TULP3: variants seen among roughly 807,000 people sequenced by gnomAD.
TULP3 encodes TUB like protein 3.
A neutral mutation model predicts 50.7 loss-of-function variants in TULP3; 38 were observed. The observed-to-expected ratio is 0.75, with a 90% confidence interval of 0.58 to 0.98. The LOEUF (loss-of-function observed/expected upper bound fraction) is 0.98. Ranked by LOEUF, TULP3 falls within the 50% of genes least tolerant of loss-of-function variation. The pLI is 0.00. For missense variants in TULP3, 550 were observed against 568.0 expected (o/e 0.97, Z 0.32); for synonymous variants, 183 against 196.6 (o/e 0.93, Z 0.58).
chr12:2,933,500 G>C lies in TULP3; in HGVS notation c.779G>C (p.Arg260Pro), dbSNP rs193281338. Residue 260 changes from arginine (R) to proline (P), a missense_variant, in exon 7 of 11, where the codon CGT becomes CCT. Arg to Pro is a moderately radical substitution (Grantham distance 103, BLOSUM62 -2). Transcript: ENST00000448120. ...TCCATTGATCCAGTTGATTTATCTC[G>C]TGAAGGAGAAAGTTATGTCGGCAAG... ...LISIDPVDLSREGESYVGKLR... is the reference protein window; with the variant it reads ...LISIDPVDLSPEGESYVGKLR... 31 of 1,613,730 alleles carry C rather than the reference G, an allele frequency of 1.9e-5. No homozygotes were observed. Among genetic ancestry groups the C allele is most frequent in the African/African-American group, 5.3e-5 (4 of 74,866 alleles).
chr12:2,918,667 G>C (rs2098190083), intron 2 of TULP3, among the ~76,000 whole-genome samples: 1 of 151,724 alleles, frequency 6.6e-6, no homozygotes, highest in African/African-American at 2.4e-5. Context: ...CAGCCTCCGA[G>C]TAGCTGGGAT....
intron 5 of TULP3, 153 bp from the exon 6 acceptor site, chr12:2,930,884 T>C (rs1330254543): frequency 3.8e-6 from 3 of 798,282 alleles, no homozygotes; most frequent in Non-Finnish European, 6.4e-6. Context: ...TCAATATTCA[T>C]ATACTTAATT....
At chr12:2,922,458 T>C in intron 4 of TULP3, 56 bp downstream of exon 4, 1 of 1,570,740 alleles carries the variant, frequency 6.4e-7, no homozygotes, top group South Asian at 1.2e-5. Context: ...TTGTAATCTT[T>C]TCCTTTCTTT....
At chr12:2,910,485 G>A (rs1239582123) in intron 2 of TULP3, among the ~76,000 whole-genome samples, 1 of 152,156 alleles carries the variant, frequency 6.6e-6, no homozygotes, top group Non-Finnish European at 1.5e-5. Flanking sequence ...CTAAATGAAC[G>A]GTTTTGTGTT....
intron 1 of TULP3, among the ~76,000 whole-genome samples, chr12:2,903,611 G>A (rs1203611420): frequency 7.3e-5 from 11 of 151,452 alleles, no homozygotes; most frequent in African/African-American, 2.7e-4. Context: ...CTGAAAAGTT[G>A]CAAGAAAGCA....
intron 1 of TULP3, among the ~76,000 whole-genome samples, chr12:2,904,208 C>T (rs2098180933): frequency 6.6e-6 from 1 of 152,170 alleles, no homozygotes; most frequent in Non-Finnish European, 1.5e-5. Context: ...ATGTCTCTTT[C>T]CTAGTCTAGG....
intron 4 of TULP3, among the ~76,000 whole-genome samples, chr12:2,928,161 A>T (rs1260561036): frequency 6.6e-6 from 1 of 152,228 alleles, no homozygotes; most frequent in Non-Finnish European, 1.5e-5. Flanking sequence ...TTTCCTATAA[A>T]AGATGCTCCA....
intron 1 of TULP3, among the ~76,000 whole-genome samples, chr12:2,898,079 CAAAAAAA>C (rs59718569): frequency 2.9e-4 from 27 of 93,202 alleles, no homozygotes; most frequent in African/African-American, 8.0e-4. Flanking sequence ...AACTAGATCT[CAAAAAAA>C]AAAAAAAAAA....
chr12:2,939,961 A>G lies in TULP3; in HGVS notation c.*517A>G. On this transcript the variant is annotated 3_prime_UTR_variant, in exon 11 of 11. Transcript: ENST00000448120. The surrounding 1 kb of genome is among the most constrained non-coding windows in gnomAD (Gnocchi z 4.0). The stretch of plus-strand genomic sequence containing the variant: ...TAGAATGGGATTTCATGTGCTTGGA[A>G]ACTTGCAGTAGAATCAGGGACTGAC... The G allele has an allele frequency of 7.8e-7, 1 of 1,275,046 alleles. No homozygotes were observed. The highest frequency in any genetic ancestry group is 1.0e-6 in the Non-Finnish European group (1 of 976,952). The allele number at this position is 1,275,046 out of a possible 1,614,324, so 79.0% of individuals were successfully genotyped here. A position where few individuals can be genotyped will look rare whatever the true frequency, so the allele number is the denominator to read the frequency against.
At chr12:2,916,966 T>G (rs1297306355) in intron 2 of TULP3, among the ~76,000 whole-genome samples, 1 of 151,720 alleles carries the variant, frequency 6.6e-6, no homozygotes. Context: ...CCCAGATACC[T>G]TGGCAGGAAC....
chr12:2,914,814 G>A (rs376321002), intron 2 of TULP3, among the ~76,000 whole-genome samples: 168 of 151,812 alleles, frequency 1.1e-3, no homozygotes, highest in Middle Eastern at 3.4e-3. Flanking sequence ...TGTATTTTTC[G>A]TAGAGATGGA....
At chr12:2,930,954 T>C in intron 5 of TULP3, 83 bp from the exon 6 acceptor site, 1 of 1,449,230 alleles carries the variant, frequency 6.9e-7, no homozygotes, top group Non-Finnish European at 9.7e-7. Flanking sequence ...ATTACTAAGT[T>C]GCTTTGTCCA....
chr12:2,905,218 G>A (rs1430056178), intron 1 of TULP3, among the ~76,000 whole-genome samples: 3 of 136,924 alleles, frequency 2.2e-5, no homozygotes, highest in East Asian at 4.3e-4. Flanking sequence ...ACAGAGTCTC[G>A]CTCTCTTGCC....
At chr12:2,907,607 C>T (rs1419058677) in intron 1 of TULP3, among the ~76,000 whole-genome samples, 5 of 151,294 alleles carry the variant, frequency 3.3e-5, no homozygotes, top group African/African-American at 7.3e-5. Flanking sequence ...GAGTTCAAGC[C>T]ACTGCACTCC....
chr12:2,937,942 G>A (rs1334515605), intron 9 of TULP3, among the ~76,000 whole-genome samples, 172 bp from the exon 10 acceptor site: 2 of 152,100 alleles, frequency 1.3e-5, no homozygotes, highest in Non-Finnish European at 2.9e-5. Flanking sequence ...TCTACAAAGA[G>A]AAATGCTGGA....
chr12:2,903,277 A>C (rs1038669132), intron 1 of TULP3, among the ~76,000 whole-genome samples: 1 of 151,900 alleles, frequency 6.6e-6, no homozygotes, highest in African/African-American at 2.4e-5. Flanking sequence ...ATTTTGAAAA[A>C]TTTGGCCGGG....
At position 2,940,336 on chromosome 12, in the gene TULP3, A is replaced by G. The variant is rs998813; in HGVS notation, c.*892A>G. ...TTAGTTTAGTTAAAAAAAAAAAAAA[A>G]AAGGTGGCAGGAGAGGCTTTGGGGA... On this transcript the variant is annotated 3_prime_UTR_variant, in exon 11 of 11. Transcript: ENST00000448120. 1 of 1,455,840 alleles carries G rather than the reference A, an allele frequency of 6.9e-7. No individual in the cohort carries two copies. Among genetic ancestry groups the G allele is most frequent in the South Asian group, 1.4e-5 (1 of 73,044 alleles). 90.2% of individuals were successfully genotyped at this position (1,455,840 alleles called of 1,614,324 possible). A position where few individuals can be genotyped will look rare whatever the true frequency, so the allele number is the denominator to read the frequency against.
At chr12:2,937,104 C>CA (rs1329299805) in intron 8 of TULP3, among the ~76,000 whole-genome samples, 4,137 of 110,564 alleles carry the variant, frequency 0.037, 191 homozygotes, top group African/African-American at 0.12. Flanking sequence ...GACTCTGTCT[C>CA]AAAAAAAAAA....
chr12:2,921,410 G>C (rs566469224), intron 3 of TULP3, among the ~76,000 whole-genome samples: 1 of 152,296 alleles, frequency 6.6e-6, no homozygotes, highest in African/African-American at 2.4e-5. Flanking sequence ...CAAAGTGCTG[G>C]GATTACAGGC....
Sources: gnomAD v4.1 joint callset for allele counts (sites outside exome capture counted in the v4.1 genomes callset) on GRCh38, gnomAD v4.1.1 for gene constraint, Gnocchi (gnomAD v3.1) non-coding constraint, MANE v1.5 for transcripts, NCBI Gene and HGNC (gene_info 2026-07-23, HGNC 2026-07-21) for gene names.